Variants in AGTPBP1 observed in about 807,000 individuals in gnomAD.
AGTPBP1 encodes cytosolic carboxypeptidase 1.
In AGTPBP1, 70 loss-of-function variants were observed where a neutral mutation model predicts 143.9. The ratio of observed to expected loss-of-function variants is 0.49; its 90% confidence interval spans 0.40 to 0.59. AGTPBP1 has a LOEUF of 0.59. Ranked by LOEUF, AGTPBP1 falls within the 20% of genes least tolerant of loss-of-function variation. The pLI, the probability that AGTPBP1 is intolerant of heterozygous loss-of-function variation, is 0.00. For synonymous variants in AGTPBP1, 463 were observed against 500.2 expected (o/e 0.93, Z 0.99); for missense variants, 1,229 against 1,464.5 (o/e 0.84, Z 2.62).
intron 25 of AGTPBP1, among the ~76,000 whole-genome samples, chr9:85,561,809 T>C (rs1282074459): frequency 6.7e-6 from 1 of 149,070 alleles, no homozygotes; most frequent in East Asian, 1.9e-4. Flanking sequence ...TCCTGTATTG[T>C]CCAAAAAAAA....
At chr9:85,678,276 C>G in intron 5 of AGTPBP1, 59 bp downstream of exon 5, 1 of 1,170,398 alleles carries the variant, frequency 8.5e-7, no homozygotes. Context: ...AAAGTGAATA[C>G]GATACATTGT....
intron 3 of AGTPBP1, among the ~76,000 whole-genome samples, chr9:85,690,616 C>A (rs552878468): frequency 1.0e-4 from 15 of 150,622 alleles, no homozygotes; most frequent in African/African-American, 3.4e-4. Context: ...GGAAGAAAGT[C>A]ATTCTCTGAC....
chr9:85,579,331 C>T (rs887206585), intron 23 of AGTPBP1, among the ~76,000 whole-genome samples: 8 of 151,990 alleles, frequency 5.3e-5, no homozygotes, highest in East Asian at 1.9e-4. Context: ...ATCGTATTCA[C>T]GGTATAACCA....
At chr9:85,641,950 C>T (rs1006941363) in intron 13 of AGTPBP1, among the ~76,000 whole-genome samples, 15 of 152,140 alleles carry the variant, frequency 9.9e-5, no homozygotes, top group African/African-American at 3.4e-4. Flanking sequence ...CTGCCCACCT[C>T]GGCCTCCCAA....
At chr9:85,622,077 T>C (rs1830970894) in intron 14 of AGTPBP1, among the ~76,000 whole-genome samples, 1 of 152,194 alleles carries the variant, frequency 6.6e-6, no homozygotes, top group Non-Finnish European at 1.5e-5. Flanking sequence ...TAACTCCAGG[T>C]AGACTGGCCA....
At chr9:85,758,534 A>T in the AGTPBP1 span, among the ~76,000 whole-genome samples, 1 of 152,134 alleles carries the variant, frequency 6.6e-6, no homozygotes, top group Non-Finnish European at 1.5e-5. Flanking sequence ...AATCCCAGGT[A>T]CTTGGGAGCT....
At chr9:85,668,995 G>C (rs1587862154) in intron 8 of AGTPBP1, among the ~76,000 whole-genome samples, 1 of 85,530 alleles carries the variant, frequency 1.2e-5, no homozygotes, top group African/African-American at 4.5e-5. Flanking sequence ...GTGTGTGTGT[G>C]TGTGTGTGTG....
intron 2 of AGTPBP1, among the ~76,000 whole-genome samples, chr9:85,698,753 C>G (rs1161462087): frequency 8.0e-6 from 1 of 125,236 alleles, no homozygotes; most frequent in Non-Finnish European, 1.6e-5. Flanking sequence ...AGTGCAGTGG[C>G]GCGATCTTGG....
intron 6 of AGTPBP1, 40 bp downstream of exon 6, chr9:85,677,396 T>C: frequency 6.4e-7 from 1 of 1,558,794 alleles, no homozygotes; most frequent in South Asian, 1.2e-5. Context: ...GTTACAAAAA[T>C]AGTTCTAGAT....
At chr9:85,657,707 C>T (rs932944364) in intron 9 of AGTPBP1, 64 bp from the exon 10 acceptor site, 1 of 1,219,038 alleles carries the variant, frequency 8.2e-7, no homozygotes, top group South Asian at 1.5e-5. Context: ...GTAGAATAAT[C>T]AAATTTAAAA....
intron 2 of AGTPBP1, among the ~76,000 whole-genome samples, chr9:85,711,244 A>T (rs1837344997): frequency 6.6e-6 from 1 of 152,192 alleles, no homozygotes; most frequent in South Asian, 2.1e-4. Context: ...TCAGATGAGA[A>T]AACTGAGGCT....
At chr9:85,713,588 T>C (rs1478011940) in intron 1 of AGTPBP1, among the ~76,000 whole-genome samples, 2 of 152,136 alleles carry the variant, frequency 1.3e-5, no homozygotes, top group African/African-American at 2.4e-5. Flanking sequence ...TTATGAAATA[T>C]TTAGTAATGT....
chr9:85,705,351 T>C (rs184927515), intron 2 of AGTPBP1, among the ~76,000 whole-genome samples: 3 of 147,032 alleles, frequency 2.0e-5, no homozygotes, highest in Admixed American at 6.8e-5. Flanking sequence ...CTAAGATAAG[T>C]ATGACAACAG....
At chr9:85,643,281 T>C (rs915978451) in intron 12 of AGTPBP1, among the ~76,000 whole-genome samples, 1 of 152,162 alleles carries the variant, frequency 6.6e-6, no homozygotes, top group Non-Finnish European at 1.5e-5. Context: ...CAGCTAACAT[T>C]AAGCACTGAA....
chr9:85,663,627 A>G lies in AGTPBP1; in HGVS notation c.663-2654T>C, dbSNP rs77323059. On this transcript the variant is annotated intron_variant, in intron 8 of 25. Transcript: ENST00000357081. ...ACCCATAATGATGGGGGAAAAAAAA[A>G]AAACAATTGAAACAGACCTAGATCT... 1.7e-3 allele frequency among the ~76,000 whole-genome samples: 264 copies of G among 152,208 alleles called. 5 individuals carry two copies. The East Asian group carries it at 0.048, about 27-fold the overall frequency.
chr9:85,670,668 A>G (rs1834424784), intron 7 of AGTPBP1, among the ~76,000 whole-genome samples: 1 of 152,188 alleles, frequency 6.6e-6, no homozygotes, highest in Non-Finnish European at 1.5e-5. Context: ...GTTCAAAGCC[A>G]GCCTGAGATG....
chr9:85,716,785 G>T, intron 1 of AGTPBP1, among the ~76,000 whole-genome samples: 1 of 152,138 alleles, frequency 6.6e-6, no homozygotes, highest in South Asian at 2.1e-4. Flanking sequence ...ACCTTAAGTA[G>T]ATTTTTGTCA....
intron 1 of AGTPBP1, among the ~76,000 whole-genome samples, chr9:85,724,156 G>A (rs1440349702): frequency 6.6e-6 from 1 of 151,848 alleles, no homozygotes; most frequent in Admixed American, 6.6e-5. Context: ...GTGTGGTGGT[G>A]AGTACTTGTA....
chr9:85,646,555 T>A, intron 11 of AGTPBP1, 137 bp from the exon 12 acceptor site: 1 of 636,130 alleles, frequency 1.6e-6, no homozygotes, highest in Non-Finnish European at 2.7e-6. Flanking sequence ...TTAACATCTC[T>A]CTAAGGCTGT....
Sources: allele counts gnomAD v4.1 joint callset (sites outside exome capture counted in the v4.1 genomes callset), GRCh38; gene constraint gnomAD v4.1.1; transcripts MANE v1.5; gene names NCBI Gene and HGNC (gene_info 2026-07-23, HGNC 2026-07-21).